Variants in CSTPP1 observed in about 807,000 individuals in gnomAD.
CSTPP1 encodes the protein UPF0705 protein C11orf49.
chr11:46,982,595 AAAAT>A, the CSTPP1 span, among the ~76,000 whole-genome samples: 52 of 152,322 alleles, frequency 3.4e-4, 1 homozygote, highest in South Asian at 0.011. Flanking sequence ...GGAAGAGAAT[AAAAT>A]AAATAGTTTT....
At chr11:46,987,633 G>A in the CSTPP1 span, 6 of 213,268 alleles carry the variant, frequency 2.8e-5, no homozygotes, top group Admixed American at 5.2e-5. Context: ...TTTCGCTGAT[G>A]TTCATCTAGC....
chr11:47,014,230 A>AGAAG, the CSTPP1 span, among the ~76,000 whole-genome samples: 4 of 151,460 alleles, frequency 2.6e-5, no homozygotes, highest in African/African-American at 9.7e-5. Context: ...GGAAAAAGAA[A>AGAAG]GAAGGAAGGA....
chr11:47,053,778 C>CA, the CSTPP1 span, among the ~76,000 whole-genome samples: 98,501 of 150,682 alleles, frequency 0.65, 32,524 homozygotes, highest in Middle Eastern at 0.71. Context: ...TTCGTCTCTA[C>CA]AAAAAAATAA....
At chr11:46,961,878 C>T in the CSTPP1 span, among the ~76,000 whole-genome samples, 1 of 152,186 alleles carries the variant, frequency 6.6e-6, no homozygotes, top group African/African-American at 2.4e-5. Context: ...CTAATAAAGA[C>T]ATACCCAAGA....
chr11:46,990,866 C>T, the CSTPP1 span, among the ~76,000 whole-genome samples: 1 of 152,172 alleles, frequency 6.6e-6, no homozygotes, highest in Admixed American at 6.5e-5. Flanking sequence ...GTTATCCCAG[C>T]ACCATTTATT....
chr11:47,079,812 G>C, the CSTPP1 span, among the ~76,000 whole-genome samples: 1 of 152,018 alleles, frequency 6.6e-6, no homozygotes, highest in South Asian at 2.1e-4. Flanking sequence ...GAAGAAATAC[G>C]GCCGGGCGCG....
the CSTPP1 span, among the ~76,000 whole-genome samples, chr11:47,151,048 G>A: frequency 1.3e-5 from 2 of 151,832 alleles, no homozygotes; most frequent in African/African-American, 4.8e-5. Flanking sequence ...CACTGTGCCC[G>A]GCCTCTGTGA....
At chr11:46,947,896 C>CGG in the CSTPP1 span, 1 of 370,768 alleles carries the variant, frequency 2.7e-6, no homozygotes, top group South Asian at 2.0e-5. Flanking sequence ...AGGCATCTGG[C>CGG]GGGGATAGAG....
At chr11:47,091,101 C>T in the CSTPP1 span, among the ~76,000 whole-genome samples, 1 of 137,220 alleles carries the variant, frequency 7.3e-6, no homozygotes, top group Admixed American at 7.6e-5. Flanking sequence ...TAAAAATTTA[C>T]CTAACATTGG....
the CSTPP1 span, chr11:47,159,870 G>A: frequency 8.4e-6 from 3 of 358,518 alleles, no homozygotes; most frequent in Non-Finnish European, 1.7e-5. Flanking sequence ...CAGTTGTGGT[G>A]GCACATGCCT....
chr11:47,016,670 G>A, the CSTPP1 span, among the ~76,000 whole-genome samples: 1 of 152,012 alleles, frequency 6.6e-6, no homozygotes, highest in African/African-American at 2.4e-5. Flanking sequence ...AAGTATATCA[G>A]TTGTGGACAG....
At chr11:47,045,927 C>T in the CSTPP1 span, among the ~76,000 whole-genome samples, 2 of 152,026 alleles carry the variant, frequency 1.3e-5, no homozygotes, top group African/African-American at 4.8e-5. Context: ...GCTGGGATTA[C>T]AGGCACCTGC....
chr11:47,131,583 T>C, the CSTPP1 span, among the ~76,000 whole-genome samples: 1 of 152,224 alleles, frequency 6.6e-6, no homozygotes, highest in African/African-American at 2.4e-5. Flanking sequence ...GTCAGGGCAG[T>C]GCTTATCTTG....
At chr11:47,071,136 T>C in the CSTPP1 span, among the ~76,000 whole-genome samples, 20 of 152,226 alleles carry the variant, frequency 1.3e-4, no homozygotes, top group Admixed American at 1.2e-3. Flanking sequence ...TCATACCTTA[T>C]ATTTAGTTAT....
chr11:46,974,526 C>CAA, the CSTPP1 span, among the ~76,000 whole-genome samples: 10,161 of 118,034 alleles, frequency 0.086, 475 homozygotes, highest in Non-Finnish European at 0.095. Flanking sequence ...GACTCTGTCT[C>CAA]AAAAAAAAAA....
At chr11:46,993,900 C>A in the CSTPP1 span, among the ~76,000 whole-genome samples, 2 of 152,038 alleles carry the variant, frequency 1.3e-5, no homozygotes, top group Non-Finnish European at 2.9e-5. Flanking sequence ...TGATTCTTCC[C>A]ATCCATGAGC....
chr11:47,080,495 T>C, the CSTPP1 span, among the ~76,000 whole-genome samples: 1 of 152,114 alleles, frequency 6.6e-6, no homozygotes, highest in Non-Finnish European at 1.5e-5. Flanking sequence ...GCTAACATTA[T>C]TTCCATTTTT....
At chr11:47,016,502 C>T in the CSTPP1 span, among the ~76,000 whole-genome samples, 1 of 150,184 alleles carries the variant, frequency 6.7e-6, no homozygotes, top group African/African-American at 2.5e-5. Flanking sequence ...CAGCAAAGAA[C>T]AATTGGAAAT....
chr11:47,052,442 C>G, the CSTPP1 span: 1 of 1,614,094 alleles, frequency 6.2e-7, no homozygotes, highest in Non-Finnish European at 8.5e-7. Context: ...TCAGCTTCGT[C>G]CAAGCCACCC....
Sources: allele counts gnomAD v4.1 joint callset (sites outside exome capture counted in the v4.1 genomes callset), GRCh38; gene constraint gnomAD v4.1.1; transcripts MANE v1.5; gene names NCBI Gene and HGNC (gene_info 2026-07-23, HGNC 2026-07-21).